Variants in TAFA2 observed in about 807,000 individuals in gnomAD.
The protein encoded by TAFA2 is chemokine-like protein TAFA-2.
A neutral mutation model predicts 18.8 loss-of-function variants in TAFA2; 7 were observed. The ratio of observed to expected loss-of-function variants is 0.37; its 90% confidence interval spans 0.21 to 0.70. The LOEUF (loss-of-function observed/expected upper bound fraction) is 0.70, where lower values mean the gene tolerates loss of function less well. Among genes scored for constraint, TAFA2 ranks in the 30% least tolerant of loss-of-function variants. The probability of loss-of-function intolerance (pLI) is 0.53; values close to 1 mark genes in which losing one functional copy is unlikely to be tolerated. For synonymous variants in TAFA2, 60 were observed against 54.2 expected, an observed-to-expected ratio of 1.11 and a Z score of -0.47; for missense variants, 122 against 158.1, an observed-to-expected ratio of 0.77 and a Z score of 1.23.
At chr12:61,941,531 A>T (rs1270032736) in intron 1 of TAFA2, among the ~76,000 whole-genome samples, 1 of 152,172 alleles carries the variant, frequency 6.6e-6, no homozygotes, top group Admixed American at 6.5e-5. Flanking sequence ...CTGCATTTCC[A>T]TCTGAGGTAC....
intron 1 of TAFA2, among the ~76,000 whole-genome samples, chr12:62,147,332 A>ATATATATATATGTGTGTG (rs1565760169): frequency 1.9e-5 from 1 of 53,318 alleles, no homozygotes; most frequent in African/African-American, 8.5e-5. Flanking sequence ...GTATGTATAT[A>ATATATATATATGTGTGTG]TATATATATA....
At chr12:61,966,015 C>T (rs1015932250) in intron 1 of TAFA2, among the ~76,000 whole-genome samples, 1 of 151,790 alleles carries the variant, frequency 6.6e-6, no homozygotes, top group Non-Finnish European at 1.5e-5. Context: ...TAAATAACAT[C>T]GCTGTGAACG....
intron 2 of TAFA2, among the ~76,000 whole-genome samples, chr12:61,814,284 T>A (rs1871989135): frequency 6.6e-6 from 1 of 151,204 alleles, no homozygotes; most frequent in Non-Finnish European, 1.5e-5. Context: ...TAAAGAAAAC[T>A]AACTAGAGAG....
At chr12:61,974,920 A>G (rs1879376062) in intron 1 of TAFA2, among the ~76,000 whole-genome samples, 1 of 151,792 alleles carries the variant, frequency 6.6e-6, no homozygotes, top group Non-Finnish European at 1.5e-5. Flanking sequence ...AATTGACAGT[A>G]TATGACAAAG....
chr12:62,146,447 A>G (rs569791885), intron 1 of TAFA2, among the ~76,000 whole-genome samples: 2 of 152,012 alleles, frequency 1.3e-5, no homozygotes, highest in East Asian at 3.9e-4. Flanking sequence ...ACAACCAGCT[A>G]ATGTTTTGTA....
In TAFA2 at chr12:61,956,111, C is replaced by T. The variant is rs566450362; in HGVS notation, c.-1-88685G>A. Among the ~76,000 whole-genome samples, 16 of 152,020 alleles carry T rather than the reference C, an allele frequency of 1.1e-4. No individual in the cohort carries two copies. In the East Asian group the frequency reaches 3.1e-3, roughly 29 times the overall value. On this transcript the variant is annotated intron_variant, in intron 1 of 4. Coordinates refer to ENST00000416284, the MANE Select transcript of TAFA2 (RefSeq NM_178539.5). ...TAGCTAGATTTTTTTCAAACACTTT[C>T]GTTCTATATTTGCTAAACATTTTCA... is the stretch of plus-strand genomic sequence containing the variant.
intron 1 of TAFA2, among the ~76,000 whole-genome samples, chr12:61,958,512 T>A (rs895103204): frequency 6.6e-6 from 1 of 152,036 alleles, no homozygotes; most frequent in Non-Finnish European, 1.5e-5. Flanking sequence ...ATTTCTGCTA[T>A]TCTAGTATTT....
chr12:62,215,995 AAC>A (rs2062734403), intron 1 of TAFA2, among the ~76,000 whole-genome samples: 1 of 152,170 alleles, frequency 6.6e-6, no homozygotes, highest in African/African-American at 2.4e-5. Context: ...TGAATAAAGT[AAC>A]AGTTTCCTCA....
chr12:62,046,859 T>C (rs1881922032), intron 1 of TAFA2, among the ~76,000 whole-genome samples: 2 of 152,130 alleles, frequency 1.3e-5, no homozygotes, highest in African/African-American at 4.8e-5. Flanking sequence ...TTTAAAACAT[T>C]ATTTGCAAAA....
chr12:61,926,296 A>G (rs1877288954), intron 1 of TAFA2, among the ~76,000 whole-genome samples: 1 of 152,230 alleles, frequency 6.6e-6, no homozygotes, highest in South Asian at 2.1e-4. Flanking sequence ...TCCTTCTGAA[A>G]CTATTCCAAA....
chr12:62,165,587 T>G (rs2062433348), intron 1 of TAFA2, among the ~76,000 whole-genome samples: 1 of 152,116 alleles, frequency 6.6e-6, no homozygotes, highest in African/African-American at 2.4e-5. Flanking sequence ...CAAAAGTAGC[T>G]CAAAATCTTT....
chr12:61,909,228 A>C (rs1021149701), intron 1 of TAFA2, among the ~76,000 whole-genome samples: 2 of 152,174 alleles, frequency 1.3e-5, no homozygotes, highest in African/African-American at 4.8e-5. Context: ...GTAAAAATGG[A>C]GGTGAGTAAC....
At chr12:61,794,426 G>A (rs947432672) in intron 2 of TAFA2, among the ~76,000 whole-genome samples, 3 of 151,906 alleles carry the variant, frequency 2.0e-5, no homozygotes, top group Non-Finnish European at 2.9e-5. Flanking sequence ...ATTTAGAGTA[G>A]CATCACAAAA....
At chr12:61,777,831 T>C (rs1870334041) in intron 2 of TAFA2, among the ~76,000 whole-genome samples, 1 of 151,876 alleles carries the variant, frequency 6.6e-6, no homozygotes. Context: ...TGTAAATATT[T>C]GCTTTTGATA....
intron 1 of TAFA2, among the ~76,000 whole-genome samples, chr12:62,134,672 TA>T (rs1488305843): frequency 2.0e-5 from 3 of 152,090 alleles, no homozygotes; most frequent in Non-Finnish European, 4.4e-5. Flanking sequence ...TCTCTTTCAC[TA>T]GAAAGGAAAA....
chr12:61,721,113 C>G (rs1869876554), intron 4 of TAFA2, among the ~76,000 whole-genome samples: 1 of 152,026 alleles, frequency 6.6e-6, no homozygotes, highest in Non-Finnish European at 1.5e-5. Flanking sequence ...CTTAGTACAT[C>G]ATTTTTTAAT....
chr12:61,800,459 A>T (rs530016705), intron 2 of TAFA2, among the ~76,000 whole-genome samples: 1 of 152,328 alleles, frequency 6.6e-6, no homozygotes, highest in East Asian at 1.9e-4. Flanking sequence ...TATTTGAACA[A>T]TTGAATTAGT....
chr12:61,753,765 AT>A lies in TAFA2; in HGVS notation c.260-20del. On this transcript the variant is annotated intron_variant, in intron 3 of 4. Coordinates refer to ENST00000416284, the MANE Select transcript of TAFA2 (RefSeq NM_178539.5). ...ATTGAAGCTATAAGAGAGAAAAAAA[AT>A]TGACTCAACATTTTTTTCTTGGGAC... 6.3e-7 allele frequency: 1 copy of A among 1,587,716 alleles called. No individual in the cohort carries two copies. Among genetic ancestry groups the A allele is most frequent in the Non-Finnish European group, 8.6e-7 (1 of 1,167,988 alleles).
chr12:62,029,919 A>G (rs1349758036), intron 1 of TAFA2, among the ~76,000 whole-genome samples: 3 of 152,114 alleles, frequency 2.0e-5, no homozygotes, highest in African/African-American at 7.2e-5. Flanking sequence ...TAGCAACATT[A>G]CCACAGCAAT....
Sources: gnomAD v4.1 joint callset for allele counts (sites outside exome capture counted in the v4.1 genomes callset) on GRCh38, gnomAD v4.1.1 for gene constraint, MANE v1.5 for transcripts, NCBI Gene and HGNC (gene_info 2026-07-23, HGNC 2026-07-21) for gene names.